ADGRL3: variants seen among roughly 807,000 people sequenced by gnomAD.
The protein encoded by ADGRL3 is adhesion G protein-coupled receptor L3, also known as calcium-independent alpha-latrotoxin receptor 3.
Under a neutral mutation model 153.5 loss-of-function variants are expected in ADGRL3, and 62 were observed. The observed-to-expected ratio is 0.40, with a 90% CI of 0.33 to 0.50. The LOEUF (loss-of-function observed/expected upper bound fraction) is 0.50, where lower values mean the gene tolerates loss of function less well. Among genes scored for constraint, ADGRL3 ranks in the 20% least tolerant of loss-of-function variants. The probability of loss-of-function intolerance (pLI) is 0.47; values close to 1 mark genes in which losing one functional copy is unlikely to be tolerated. For synonymous variants in ADGRL3, 710 were observed against 672.5 expected, an observed-to-expected ratio of 1.06 and a Z score of -0.86; for missense variants, 1,641 against 1,859.4, an observed-to-expected ratio of 0.88 and a Z score of 2.16.
At chr4:61,255,646 T>C (rs2091891295) in intron 1 of ADGRL3, among the ~76,000 whole-genome samples, 1 of 152,160 alleles carries the variant, frequency 6.6e-6, no homozygotes, top group South Asian at 2.1e-4. Flanking sequence ...TTATTATTAT[T>C]TTACAGAGGG....
At chr4:61,286,881 A>G (rs1332385229) in intron 1 of ADGRL3, among the ~76,000 whole-genome samples, 1 of 151,742 alleles carries the variant, frequency 6.6e-6, no homozygotes, top group Admixed American at 6.6e-5. Context: ...AGAGGTCACT[A>G]GTTGTATATA....
chr4:61,948,624 G>A (rs1275938594), intron 17 of ADGRL3, among the ~76,000 whole-genome samples: 3 of 152,104 alleles, frequency 2.0e-5, no homozygotes, highest in Non-Finnish European at 4.4e-5. Context: ...GCTGGGACTG[G>A]GGAGGCGGAA....
At chr4:61,440,614 G>T (rs2097518043) in intron 2 of ADGRL3, among the ~76,000 whole-genome samples, 1 of 152,108 alleles carries the variant, frequency 6.6e-6, no homozygotes, top group Non-Finnish European at 1.5e-5. Flanking sequence ...TTTATAAGAG[G>T]CTAGAATCTA....
chr4:62,020,608 C>G (rs2099233505), intron 21 of ADGRL3, among the ~76,000 whole-genome samples: 1 of 152,048 alleles, frequency 6.6e-6, no homozygotes, highest in Non-Finnish European at 1.5e-5. Context: ...CAGGCATCTT[C>G]TCATTTGTTT....
intron 3 of ADGRL3, among the ~76,000 whole-genome samples, chr4:61,510,126 C>T (rs756076488): frequency 3.9e-5 from 6 of 151,970 alleles, no homozygotes; most frequent in Non-Finnish European, 2.9e-5. Flanking sequence ...TTGTATTTTG[C>T]TTGTTGAATC....
chr4:61,706,425 C>CAACAAAA (rs2095859420), intron 6 of ADGRL3, among the ~76,000 whole-genome samples: 1 of 130,050 alleles, frequency 7.7e-6, no homozygotes, highest in Non-Finnish European at 1.7e-5. Flanking sequence ...GACTCCCTCT[C>CAACAAAA]AAAAAAAAAA....
Position 61,892,861 on chromosome 4 carries a change from C to T in ADGRL3, c.1686C>T (p.Leu562=), listed in dbSNP as rs777306058. 1.5e-5 allele frequency: 24 copies of T among 1,611,604 alleles called. No individual in the cohort carries two copies. Among genetic ancestry groups the T allele is most frequent in the South Asian group, 3.3e-5 (3 of 90,788 alleles). Residue 562 remains leucine (L), a synonymous_variant, in exon 10 of 27, where the codon CTC becomes CTT. Coordinates refer to ENST00000683033, the MANE Select transcript of ADGRL3 (RefSeq NM_001387552.1). ...LPSASSQIPA[L]EESCEAVEAR... Reference sequence around the variant, plus strand: ...CAGCATCGTCCCAAATCCCAGCTCTCGAAGAGAGCTGTGAGGCTGTGGAAG... The same window carrying T: ...CAGCATCGTCCCAAATCCCAGCTCTTGAAGAGAGCTGTGAGGCTGTGGAAG...
intron 17 of ADGRL3, among the ~76,000 whole-genome samples, chr4:61,951,468 C>T (rs1019566518): frequency 2.0e-5 from 3 of 152,114 alleles, no homozygotes; most frequent in Non-Finnish European, 4.4e-5. Flanking sequence ...AACTAAGAAA[C>T]GATTGCTAGA....
At chr4:61,508,668 T>G (rs1315282603) in intron 3 of ADGRL3, among the ~76,000 whole-genome samples, 1 of 152,172 alleles carries the variant, frequency 6.6e-6, no homozygotes, top group Non-Finnish European at 1.5e-5. Context: ...CTGAGGCAAA[T>G]GATCCTGTCA....
intron 4 of ADGRL3, among the ~76,000 whole-genome samples, chr4:61,542,962 C>T (rs995058196): frequency 1.6e-4 from 24 of 152,146 alleles, no homozygotes; most frequent in African/African-American, 5.6e-4. Flanking sequence ...CCATTAACAA[C>T]TCCTCAGTCC....
intron 5 of ADGRL3, among the ~76,000 whole-genome samples, chr4:61,622,508 G>A (rs2092584420): frequency 6.6e-6 from 1 of 151,788 alleles, no homozygotes; most frequent in Admixed American, 6.6e-5. Context: ...TTATACATGA[G>A]ATGGAATAAT....
intron 13 of ADGRL3, among the ~76,000 whole-genome samples, chr4:61,917,295 T>C (rs1254776907): frequency 2.0e-5 from 3 of 152,200 alleles, no homozygotes; most frequent in Non-Finnish European, 2.9e-5. Flanking sequence ...TGTTTGTTGA[T>C]TTTTTGCACT....
rs1288901994 is a variant in ADGRL3, at chr4:61,381,385, C to T, written c.-239-1739C>T. Among the ~76,000 whole-genome samples, 4 of 149,962 alleles carry T rather than the reference C, an allele frequency of 2.7e-5. No individual in the cohort carries two copies. In the East Asian group the frequency reaches 5.9e-4, roughly 22 times the overall value. On this transcript the variant is annotated intron_variant, in intron 1 of 26. Coordinates refer to ENST00000683033, the MANE Select transcript of ADGRL3 (RefSeq NM_001387552.1). ...TTTACCCAGTCAGCATTTCATGGCG[C>T]GGTTAGGTGTTTGGTTCCTTAGAGA...
chr4:61,903,110 T>C (rs1167350025), intron 11 of ADGRL3, among the ~76,000 whole-genome samples: 1 of 152,184 alleles, frequency 6.6e-6, no homozygotes, highest in Admixed American at 6.5e-5. Context: ...ATTCTGAAGG[T>C]ATAAAAAATG....
At chr4:61,479,814 G>T (rs974961637) in intron 2 of ADGRL3, among the ~76,000 whole-genome samples, 9 of 151,928 alleles carry the variant, frequency 5.9e-5, no homozygotes, top group Middle Eastern at 3.4e-3. Context: ...TTTTTTATTA[G>T]CATGCTTGTT....
At chr4:62,012,265 T>C (rs2099190190) in intron 21 of ADGRL3, among the ~76,000 whole-genome samples, 1 of 152,186 alleles carries the variant, frequency 6.6e-6, no homozygotes, top group Non-Finnish European at 1.5e-5. Flanking sequence ...AGACAGGTGC[T>C]CCCTGGTTCT....
chr4:61,344,338 G>A (rs2095859562), intron 1 of ADGRL3, among the ~76,000 whole-genome samples: 2 of 152,168 alleles, frequency 1.3e-5, no homozygotes, highest in Admixed American at 1.3e-4. Flanking sequence ...TAGGTTGCCT[G>A]AGTAAAGTAC....
At chr4:61,557,216 G>A (rs543560296) in intron 4 of ADGRL3, among the ~76,000 whole-genome samples, 73 of 152,014 alleles carry the variant, frequency 4.8e-4, no homozygotes, top group African/African-American at 1.7e-3. Context: ...CCTAAATTAA[G>A]GCAATGTTTG....
chr4:61,378,113 G>A (rs1227331408), intron 1 of ADGRL3, among the ~76,000 whole-genome samples: 1 of 151,786 alleles, frequency 6.6e-6, no homozygotes, highest in Non-Finnish European at 1.5e-5. Context: ...CTCACATTAA[G>A]CCTATTTGGG....
Sources: allele counts gnomAD v4.1 joint callset (sites outside exome capture counted in the v4.1 genomes callset), GRCh38; gene constraint gnomAD v4.1.1; transcripts MANE v1.5; gene names NCBI Gene and HGNC (gene_info 2026-07-23, HGNC 2026-07-21).